RAD51B: variants seen among roughly 807,000 people sequenced by gnomAD.
RAD51B encodes the protein RAD51 paralog B.
A neutral mutation model predicts 42.2 loss-of-function variants in RAD51B; 38 were observed. The observed-to-expected ratio is 0.90, with a 90% CI of 0.70 to 1.18. The LOEUF (loss-of-function observed/expected upper bound fraction) is 1.18. Ranked by LOEUF, RAD51B falls within the 50% of genes most tolerant of loss-of-function variation. RAD51B has a pLI of 0.00. For synonymous variants in RAD51B, 154 were observed against 145.2 expected, an observed-to-expected ratio of 1.06 and a Z score of -0.43; for missense variants, 373 against 400.7, an observed-to-expected ratio of 0.93 and a Z score of 0.59.
chr14:68,572,170 G>A (rs1039061186), intron 10 of RAD51B, among the ~76,000 whole-genome samples: 6 of 152,160 alleles, frequency 3.9e-5, no homozygotes, highest in South Asian at 4.1e-4. Context: ...ACAAAAGGTC[G>A]TCTGGCCAAC....
At chr14:68,371,543 A>C (rs2083265454) in intron 8 of RAD51B, among the ~76,000 whole-genome samples, 1 of 151,960 alleles carries the variant, frequency 6.6e-6, no homozygotes, top group South Asian at 2.1e-4. Context: ...GTTCTGTCCT[A>C]GAATAGTTGC....
intron 10 of RAD51B, among the ~76,000 whole-genome samples, chr14:68,592,914 TCCATGG>T (rs144329467): frequency 0.2 from 30,185 of 152,014 alleles, 3,141 homozygotes; most frequent in Non-Finnish European, 0.23. Flanking sequence ...ATCAGGAAGG[TCCATGG>T]CCATGGCCAT....
intron 7 of RAD51B, among the ~76,000 whole-genome samples, chr14:68,138,957 T>TTA (rs2078066978): frequency 6.6e-6 from 1 of 152,182 alleles, no homozygotes; most frequent in Non-Finnish European, 1.5e-5. Flanking sequence ...TATTAGTGTG[T>TTA]TATCTGTGGA....
At chr14:68,181,487 A>AT (rs2079060360) in intron 7 of RAD51B, among the ~76,000 whole-genome samples, 1 of 152,086 alleles carries the variant, frequency 6.6e-6, no homozygotes, top group Non-Finnish European at 1.5e-5. Context: ...TCTGTCCTTG[A>AT]TTTTTTGTCA....
intron 4 of RAD51B, among the ~76,000 whole-genome samples, chr14:67,837,154 C>T (rs977241922): frequency 1.3e-5 from 2 of 151,884 alleles, no homozygotes; most frequent in Admixed American, 6.6e-5. Flanking sequence ...CACACACACA[C>T]ATACACACAC....
rs58865001 is a variant in RAD51B, at chr14:68,573,980, A to ATGTG, written c.1037-20482_1037-20479dup. 9.4e-3 allele frequency among the ~76,000 whole-genome samples: 1,401 copies of ATGTG among 149,806 alleles called. 9 individuals are homozygous for ATGTG. Among genetic ancestry groups the ATGTG allele is most frequent in the African/African-American group, 0.03 (1,203 of 40,724 alleles). On this transcript the variant is annotated intron_variant, in intron 10 of 10. Transcript: ENST00000487270. ...TGTGGGTGTGGGTGTCAGTGTGTGT[A>ATGTG]TGTGTGTGTGTGTGTGTGTGTGTGT...
At chr14:68,003,856 G>T (rs1323781105) in intron 7 of RAD51B, among the ~76,000 whole-genome samples, 1 of 152,116 alleles carries the variant, frequency 6.6e-6, no homozygotes, top group Non-Finnish European at 1.5e-5. Flanking sequence ...GCATCCCACG[G>T]ATGAAGCCTA....
At chr14:68,118,971 T>C (rs889804434) in intron 7 of RAD51B, among the ~76,000 whole-genome samples, 4 of 152,054 alleles carry the variant, frequency 2.6e-5, no homozygotes, top group Admixed American at 1.3e-4. Context: ...TTTTTTTTTT[T>C]ATTGAGACAA....
At chr14:68,186,453 A>G (rs1053082395) in intron 7 of RAD51B, among the ~76,000 whole-genome samples, 1 of 152,218 alleles carries the variant, frequency 6.6e-6, no homozygotes, top group Non-Finnish European at 1.5e-5. Context: ...AAATATTCAC[A>G]AACTATGCAT....
At chr14:68,314,514 A>G (rs1054401905) in intron 8 of RAD51B, among the ~76,000 whole-genome samples, 1 of 152,162 alleles carries the variant, frequency 6.6e-6, no homozygotes, top group Non-Finnish European at 1.5e-5. Context: ...AGCCCCTGGC[A>G]TTTGTTCATA....
At chr14:68,614,774 T>C (rs1891791392), downstream of RAD51B, among the ~76,000 whole-genome samples, 1 of 152,236 alleles carries the variant, frequency 6.6e-6, no homozygotes, top group South Asian at 2.1e-4. Flanking sequence ...TGATGCACAT[T>C]TGAGTTGTTT....
intron 7 of RAD51B, among the ~76,000 whole-genome samples, chr14:68,227,628 A>G (rs553012587): frequency 2.6e-5 from 4 of 152,324 alleles, no homozygotes; most frequent in African/African-American, 9.6e-5. Flanking sequence ...CCTTCAGCCC[A>G]GTTTTGAGAC....
At chr14:68,244,568 T>C (rs2080456165) in intron 7 of RAD51B, among the ~76,000 whole-genome samples, 1 of 152,194 alleles carries the variant, frequency 6.6e-6, no homozygotes, top group Admixed American at 6.5e-5. Flanking sequence ...AGCCATTGTA[T>C]TGTTAGAGAA....
At position 68,601,265 on chromosome 14, in the gene RAD51B, A is replaced by G. The variant is rs147101446; in HGVS notation, c.1037-9741A>G. On this transcript the variant is annotated intron_variant, in intron 10 of 10. Coordinates refer to the RAD51B transcript ENST00000487861. ...GTGGGGGGGTGGGTCCTGGCAAGAG[A>G]TGGGTGATGTAGGAATGGCCTAGCT... Among the ~76,000 whole-genome samples, 4 of 151,806 alleles carry G rather than the reference A, an allele frequency of 2.6e-5. No homozygotes were observed. In the East Asian group the frequency reaches 5.8e-4, roughly 22 times the overall value.
chr14:68,031,128 T>G (rs913359549), intron 7 of RAD51B, among the ~76,000 whole-genome samples: 2 of 152,218 alleles, frequency 1.3e-5, no homozygotes, highest in African/African-American at 4.8e-5. Context: ...GAAAGAGGTT[T>G]ATTGGACTTA....
intron 10 of RAD51B, among the ~76,000 whole-genome samples, chr14:68,472,496 T>C (rs181916064): frequency 2.0e-5 from 3 of 152,288 alleles, no homozygotes; most frequent in African/African-American, 7.2e-5. Flanking sequence ...GAAGGGTTGA[T>C]CTAGCACAGC....
At chr14:68,538,361 C>T (rs1049193000) in intron 10 of RAD51B, among the ~76,000 whole-genome samples, 1 of 152,226 alleles carries the variant, frequency 6.6e-6, no homozygotes, top group African/African-American at 2.4e-5. Flanking sequence ...GGAGCCAGCT[C>T]TTCTCTGCTG....
At chr14:68,043,139 A>T (rs1453879724) in intron 7 of RAD51B, among the ~76,000 whole-genome samples, 2 of 152,168 alleles carry the variant, frequency 1.3e-5, no homozygotes, top group Non-Finnish European at 2.9e-5. Context: ...CTAGAGCTTC[A>T]GTTTTATTAA....
At chr14:68,166,482 CAGAA>C (rs1429444252) in intron 7 of RAD51B, among the ~76,000 whole-genome samples, 2 of 151,990 alleles carry the variant, frequency 1.3e-5, no homozygotes, top group African/African-American at 2.4e-5. Flanking sequence ...GTTTGGCTTT[CAGAA>C]AGAGTTATTT....
Sources: allele counts gnomAD v4.1 joint callset (sites outside exome capture counted in the v4.1 genomes callset), GRCh38; gene constraint gnomAD v4.1.1; transcripts MANE v1.5; gene names NCBI Gene and HGNC (gene_info 2026-07-23, HGNC 2026-07-21).